Variants in JMJD1C observed in about 807,000 individuals in gnomAD.
JMJD1C encodes the protein jumonji domain containing 1C, also known as jumonji domain-containing protein 1C.
In JMJD1C, 31 loss-of-function variants were observed where a neutral mutation model predicts 245.3. That is an observed-to-expected ratio of 0.13 (90% CI 0.09 to 0.17). JMJD1C has a LOEUF of 0.17. JMJD1C is among the 10% of genes least tolerant of loss of function. JMJD1C has a pLI of 1.00. For synonymous variants in JMJD1C, 1,057 were observed against 1,017.4 expected (o/e 1.04, Z -0.74); for missense variants, 2,691 against 3,000.2 (o/e 0.90, Z 2.41).
chr10:63,263,959 TACACACACACACACACACACACACACAC>T (rs746833882), intron 3 of JMJD1C, among the ~76,000 whole-genome samples: 6 of 83,006 alleles, frequency 7.2e-5, no homozygotes, highest in Admixed American at 1.4e-4. Context: ...AAAATACACA[TACACACACACACACACACACACACACAC>T]ACACACACAC....
At chr10:63,294,198 C>T (rs1314614149) in intron 2 of JMJD1C, among the ~76,000 whole-genome samples, 2 of 152,104 alleles carry the variant, frequency 1.3e-5, no homozygotes, top group African/African-American at 4.8e-5. Flanking sequence ...GCGTATCTCA[C>T]ATCCTTAAAC....
At chr10:63,516,159 CA>C (rs1955012529) in intron 1 of JMJD1C, among the ~76,000 whole-genome samples, 1 of 148,222 alleles carries the variant, frequency 6.7e-6, no homozygotes, top group Admixed American at 6.7e-5. Context: ...CATCGTGTTC[CA>C]AAAACCATAA....
chr10:63,506,294 A>G (rs992874048), intron 1 of JMJD1C, among the ~76,000 whole-genome samples: 1 of 152,242 alleles, frequency 6.6e-6, no homozygotes, highest in Non-Finnish European at 1.5e-5. Flanking sequence ...GAGTTTGACC[A>G]GTGAGAAGTT....
chr10:63,258,693 A>G (rs1854303005), intron 3 of JMJD1C, among the ~76,000 whole-genome samples: 1 of 152,086 alleles, frequency 6.6e-6, no homozygotes, highest in South Asian at 2.1e-4. Context: ...GACTTCTCCT[A>G]TCTTTGTATT....
chr10:63,328,228 T>C (rs1165471358), intron 2 of JMJD1C, among the ~76,000 whole-genome samples: 1 of 151,792 alleles, frequency 6.6e-6, no homozygotes, highest in Non-Finnish European at 1.5e-5. Context: ...TAAGCCGAGA[T>C]TGTGCCACTG....
chr10:63,502,082 T>G (rs548202722), intron 1 of JMJD1C, among the ~76,000 whole-genome samples: 1 of 152,386 alleles, frequency 6.6e-6, no homozygotes, highest in East Asian at 1.9e-4. Context: ...TACTTATTTA[T>G]GTACATTCAT....
chr10:63,399,849 G>A (rs1429835661), intron 1 of JMJD1C, among the ~76,000 whole-genome samples: 2 of 150,008 alleles, frequency 1.3e-5, no homozygotes, highest in Non-Finnish European at 3.0e-5. Flanking sequence ...GTCACATCTA[G>A]AAAACAAGGT....
chr10:63,415,383 G>A (rs1328958756), intron 1 of JMJD1C, among the ~76,000 whole-genome samples: 1 of 151,996 alleles, frequency 6.6e-6, no homozygotes, highest in Non-Finnish European at 1.5e-5. Flanking sequence ...TTAATAAACA[G>A]TTATCAATTA....
Position 63,335,391 on chromosome 10 carries a change from T to C in JMJD1C, c.333+44927A>G, listed in dbSNP as rs560956526. Reference sequence around the variant, plus strand: ...TGAGAATATAAAGAAGTGCTTAATATTCCAGTTAAAAAGCTAAATATTCCA... The same window carrying C: ...TGAGAATATAAAGAAGTGCTTAATACTCCAGTTAAAAAGCTAAATATTCCA... On this transcript the variant is annotated intron_variant, in intron 2 of 25. Coordinates refer to ENST00000399262, the MANE Select transcript of JMJD1C (RefSeq NM_032776.3). 3.3e-5 allele frequency among the ~76,000 whole-genome samples: 5 copies of C among 152,354 alleles called. No individual in the cohort carries two copies. The South Asian group carries it at 8.3e-4, about 25-fold the overall frequency.
chr10:63,247,543 C>G (rs1425842527), intron 3 of JMJD1C, among the ~76,000 whole-genome samples: 1 of 151,944 alleles, frequency 6.6e-6, no homozygotes, highest in African/African-American at 2.4e-5. Context: ...GAGTTCAAGA[C>G]CAGCCTGGCC....
At chr10:63,449,517 C>T (rs980740286) in intron 1 of JMJD1C, among the ~76,000 whole-genome samples, 2 of 151,858 alleles carry the variant, frequency 1.3e-5, no homozygotes, top group Non-Finnish European at 2.9e-5. Context: ...AAAATATATA[C>T]TGGGAAAAGA....
chr10:63,202,419 A>C, intron 10 of JMJD1C: 1 of 985,348 alleles, frequency 1.0e-6, no homozygotes, highest in South Asian at 4.7e-5. Flanking sequence ...TGTATTTCCT[A>C]CCCTTGTGTT....
At chr10:63,434,648 C>T (rs1214796892) in intron 1 of JMJD1C, among the ~76,000 whole-genome samples, 1 of 151,818 alleles carries the variant, frequency 6.6e-6, no homozygotes, top group Non-Finnish European at 1.5e-5. Flanking sequence ...GAGGCCAAGG[C>T]GGGAAGGATC....
At chr10:63,277,658 T>C (rs1041571855) in intron 2 of JMJD1C, among the ~76,000 whole-genome samples, 1 of 151,210 alleles carries the variant, frequency 6.6e-6, no homozygotes, top group African/African-American at 2.4e-5. Context: ...GGATAATCAG[T>C]ATAATGAAAA....
intron 1 of JMJD1C, among the ~76,000 whole-genome samples, chr10:63,512,671 A>G (rs896852439): frequency 3.9e-5 from 6 of 152,080 alleles, no homozygotes; most frequent in African/African-American, 1.2e-4. Context: ...CTAAGTGTAG[A>G]TTTTTGGCAC....
Position 63,475,460 on chromosome 10 carries a change from T to C in JMJD1C, n.113+46278A>G, listed in dbSNP as rs1326561198. On this transcript the variant is annotated intron_variant and non_coding_transcript_variant, in intron 1 of 3. Transcript: ENST00000633035. ...CAAAAATGGCTTCCAAATATATTCCTTTTAATACAGGATGTGAAAACACTT... is the reference window on the plus strand; with the variant it reads ...CAAAAATGGCTTCCAAATATATTCCCTTTAATACAGGATGTGAAAACACTT... 4.6e-5 allele frequency among the ~76,000 whole-genome samples: 7 copies of C among 152,188 alleles called. No homozygotes were observed. In the East Asian group the frequency reaches 1.3e-3, roughly 29 times the overall value.
chr10:63,282,852 G>C (rs1365534381), intron 2 of JMJD1C, among the ~76,000 whole-genome samples: 1 of 152,178 alleles, frequency 6.6e-6, no homozygotes, highest in South Asian at 2.1e-4. Flanking sequence ...AAGTAGCTGG[G>C]ACTACAGGCG....
chr10:63,320,687 T>C (rs1940744760), intron 2 of JMJD1C, among the ~76,000 whole-genome samples: 1 of 152,240 alleles, frequency 6.6e-6, no homozygotes. Context: ...TTGTCTCCAT[T>C]TCCTGACATA....
At chr10:63,392,200 C>A (rs1372260136) in intron 1 of JMJD1C, among the ~76,000 whole-genome samples, 1 of 152,084 alleles carries the variant, frequency 6.6e-6, no homozygotes. Flanking sequence ...CTATCTCTCA[C>A]CGTATACAAA....
Sources: gnomAD v4.1 joint callset for allele counts (sites outside exome capture counted in the v4.1 genomes callset) on GRCh38, gnomAD v4.1.1 for gene constraint, MANE v1.5 for transcripts, NCBI Gene and HGNC (gene_info 2026-07-23, HGNC 2026-07-21) for gene names.